The following TOP1 variants were observed in gnomAD, a reference collection of about 807,000 sequenced individuals.
TOP1 encodes DNA topoisomerase I, also known as DNA topoisomerase 1.
TOP1 carries 10 observed loss-of-function variants against 111.1 expected under a neutral mutation model. The observed-to-expected ratio is 0.09, with a 90% CI of 0.06 to 0.15. The LOEUF is 0.15. Among genes scored for constraint, TOP1 ranks in the 10% least tolerant of loss-of-function variants. TOP1 has a pLI of 1.00. For missense variants in TOP1, 474 were observed against 926.7 expected (o/e 0.51, Z 6.34); for synonymous variants, 271 against 302.9 (o/e 0.89, Z 1.10).
chr20:41,100,125 A>C lies in TOP1; in HGVS notation c.1045A>C (p.Arg349=), dbSNP rs758710779. The change falls in exon 12 of 21, where the codon AGG becomes CGG. Residue 349 remains arginine (R), a synonymous_variant. Coordinates refer to ENST00000361337, the MANE Select transcript of TOP1 (RefSeq NM_003286.4). This position sits in a 1 kb window ranked among gnomAD's most constrained non-coding sequence, Gnocchi z 4.4. The stretch of plus-strand genomic sequence containing the variant: ...CTGTATTATGGATAACCACAAAGAG[A>C]GGATTGCTAACTTCAAGATAGAGCC... ...GFCIMDNHKE[R]IANFKIEPPG... 3 of 1,613,878 alleles carry C rather than the reference A, an allele frequency of 1.9e-6. No individual in the cohort carries two copies. The highest frequency in any genetic ancestry group is 1.1e-5 in the South Asian group (1 of 91,076).
intron 13 of TOP1, among the ~76,000 whole-genome samples, chr20:41,104,391 A>G (rs1199831594): frequency 6.6e-6 from 1 of 152,210 alleles, no homozygotes; most frequent in Non-Finnish European, 1.5e-5. Flanking sequence ...ACTTAAGACA[A>G]ATGATGGCAA....
intron 8 of TOP1, among the ~76,000 whole-genome samples, chr20:41,090,605 C>T (rs1486520617): frequency 2.0e-5 from 3 of 152,092 alleles, no homozygotes; most frequent in African/African-American, 4.8e-5. Flanking sequence ...CAGGTTCAAA[C>T]GATTCTTGTG....
intron 2 of TOP1, among the ~76,000 whole-genome samples, chr20:41,047,931 A>G (rs1262506938): frequency 6.6e-6 from 1 of 152,170 alleles, no homozygotes. Context: ...TCTATTTTAA[A>G]GAGCTTGACT....
At position 41,029,449 on chromosome 20, in the gene TOP1, T is replaced by C. The variant is rs1202822680; in HGVS notation, c.52T>C (p.Leu18=). ...TTTCCAGATCGAAGCGGATTTCCGA[T>C]TGAATGGTGAGTGTGCCCCCTGCGC... ...NDSQIEADFR[L]NDSHKHKDKH... is the part of the protein sequence containing the mutation. Residue 18 remains leucine (L), a synonymous_variant, in exon 2 of 21, where the codon TTG becomes CTG. Coordinates refer to ENST00000361337, the MANE Select transcript of TOP1 (RefSeq NM_003286.4). The surrounding 1 kb of genome is among the most constrained non-coding windows in gnomAD (Gnocchi z 6.1). 1.3e-6 allele frequency: 2 copies of C among 1,506,842 alleles called. No individual in the cohort carries two copies. The highest frequency in any genetic ancestry group is 1.8e-6 in the Non-Finnish European group (2 of 1,127,130). 93.3% of individuals were successfully genotyped at this position (1,506,842 alleles called of 1,614,324 possible).
In TOP1 at chr20:41,112,837, A is replaced by G; in HGVS notation, c.1364A>G (p.Asp455Gly). The stretch of plus-strand genomic sequence containing the variant: ...GCTCGGCGGCTGAAAAAATGTGTGG[A>G]CAAGATCCGGAACCAGTATCGAGAA... ...ETARRLKKCV[D>G]KIRNQYREDW... The change falls in exon 14 of 21, where the codon GAC becomes GGC. Residue 455 changes from aspartate to glycine, a missense_variant. Coordinates refer to ENST00000361337, the MANE Select transcript of TOP1 (RefSeq NM_003286.4). The surrounding 1 kb of genome is among the most constrained non-coding windows in gnomAD (Gnocchi z 5.8). 1 of 1,614,258 alleles carries G rather than the reference A, an allele frequency of 6.2e-7. No individual in the cohort carries two copies. Among genetic ancestry groups the G allele is most frequent in the Non-Finnish European group, 8.5e-7 (1 of 1,180,048 alleles).
chr20:41,073,130 G>A (rs914427072), intron 3 of TOP1: 1 of 985,188 alleles, frequency 1.0e-6, no homozygotes, highest in African/African-American at 1.7e-5. Context: ...CCTGATCTCT[G>A]TTTGGTGTGA....
chr20:41,121,038 G>A lies in TOP1; in HGVS notation c.1951-658G>A, dbSNP rs770198851. Among the ~76,000 whole-genome samples, 14 of 152,208 alleles carry A rather than the reference G, an allele frequency of 9.2e-5. No homozygotes were observed. Among genetic ancestry groups the A allele is most frequent in the African/African-American group, 3.4e-4 (14 of 41,458 alleles). On this transcript the variant is annotated intron_variant, in intron 18 of 20. Coordinates refer to ENST00000361337, the MANE Select transcript of TOP1 (RefSeq NM_003286.4). This position sits in a 1 kb window ranked among gnomAD's most constrained non-coding sequence, Gnocchi z 4.2. Reference sequence around the variant, plus strand: ...ATTACAGGCGTGAGACACCGCGCCTGGTGACCGCTCTCCTTTTAAAAACAG... The same window carrying A: ...ATTACAGGCGTGAGACACCGCGCCTAGTGACCGCTCTCCTTTTAAAAACAG...
chr20:41,079,563 G>A lies in TOP1; in HGVS notation c.336-522G>A, dbSNP rs1053004511. ...ACACGTGCCCTACTTTTGTTGTAAT[G>A]TTGTCAGCTTGGTTATTTTTCCATG... On this transcript the variant is annotated intron_variant, in intron 5 of 20. Coordinates refer to ENST00000361337, the MANE Select transcript of TOP1 (RefSeq NM_003286.4). This position sits in a 1 kb window ranked among gnomAD's most constrained non-coding sequence, Gnocchi z 4.0. Among the ~76,000 whole-genome samples, 1 of 152,198 alleles carries A rather than the reference G, an allele frequency of 6.6e-6. No individual in the cohort carries two copies. The highest frequency in any genetic ancestry group is 6.5e-5 in the Admixed American group (1 of 15,284).
chr20:41,043,595 C>T (rs897522498), intron 2 of TOP1, among the ~76,000 whole-genome samples: 1 of 152,140 alleles, frequency 6.6e-6, no homozygotes, highest in Non-Finnish European at 1.5e-5. Flanking sequence ...AAAGAAGGTC[C>T]CTTGGTTGAA....
Position 41,044,059 on chromosome 20 carries a change from C to T in TOP1, c.58+14604C>T, listed in dbSNP as rs141671545. Among the ~76,000 whole-genome samples the T allele has an allele frequency of 5.9e-3, 899 of 152,134 alleles. 7 individuals carry two copies. Among genetic ancestry groups the T allele is most frequent in the African/African-American group, 0.02 (839 of 41,504 alleles). ...TGGGAGGCCGAGGCAGGCGGATCAC[C>T]TGAGGTCGGGAGTTTGAGACCAGCC... is the stretch of plus-strand genomic sequence containing the variant. On this transcript the variant is annotated intron_variant, in intron 2 of 20. Coordinates refer to ENST00000361337, the MANE Select transcript of TOP1 (RefSeq NM_003286.4).
At position 41,029,298 on chromosome 20, in the gene TOP1, T is replaced by C; in HGVS notation, c.34-133T>C. On this transcript the variant is annotated intron_variant, in intron 1 of 20. Transcript: ENST00000361337. The surrounding 1 kb of genome is among the most constrained non-coding windows in gnomAD (Gnocchi z 6.1). ...AGTTACAGTTCGAGGCAGGGATGGC[T>C]GCCCTCTGTGGCCACCCCCGGGTCC... 2.3e-6 allele frequency: 2 copies of C among 851,378 alleles called. No homozygotes were observed. Among genetic ancestry groups the C allele is most frequent in the Non-Finnish European group, 3.4e-6 (2 of 585,696 alleles). 52.7% of individuals were successfully genotyped at this position (851,378 alleles called of 1,614,324 possible).
intron 2 of TOP1, among the ~76,000 whole-genome samples, chr20:41,050,269 T>G (rs2033388311): frequency 6.6e-6 from 1 of 152,186 alleles, no homozygotes; most frequent in Admixed American, 6.5e-5. Flanking sequence ...CCACCTGCCT[T>G]GGCCTCCCAA....
At chr20:41,063,299 C>T (rs953821753) in intron 3 of TOP1, among the ~76,000 whole-genome samples, 2 of 152,148 alleles carry the variant, frequency 1.3e-5, no homozygotes, top group East Asian at 1.9e-4. Context: ...TATAGTATTC[C>T]GTGGTAGATA....
At chr20:41,060,470 C>T (rs1316665209) in intron 2 of TOP1, among the ~76,000 whole-genome samples, 2 of 152,148 alleles carry the variant, frequency 1.3e-5, no homozygotes, top group Non-Finnish European at 2.9e-5. Context: ...ATATACAGCA[C>T]GATCAGATCA....
Position 41,028,832 on chromosome 20 carries a change from C to T in TOP1, c.-236C>T, listed in dbSNP as rs1448660137. On this transcript the variant is annotated 5_prime_UTR_variant, in exon 1 of 21. Coordinates refer to ENST00000361337, the MANE Select transcript of TOP1 (RefSeq NM_003286.4). ...CAGGCGCAGTGAGCCCAAATGCGAA[C>T]TTAGGCTGTTACACAACTGCTGGGG... 5.7e-6 allele frequency: 3 copies of T among 524,180 alleles called. No individual in the cohort carries two copies. Among genetic ancestry groups the T allele is most frequent in the African/African-American group, 2.0e-5 (1 of 49,206 alleles). 32.5% of individuals were successfully genotyped at this position (524,180 alleles called of 1,614,324 possible). A position where few individuals can be genotyped will look rare whatever the true frequency, so the allele number is the denominator to read the frequency against.
At chr20:41,090,010 G>C (rs1244169092) in intron 8 of TOP1, among the ~76,000 whole-genome samples, 1 of 151,814 alleles carries the variant, frequency 6.6e-6, no homozygotes, top group Non-Finnish European at 1.5e-5. Context: ...GTCTTGCTCT[G>C]TCGCCCAGGC....
chr20:41,049,710 C>G (rs2033379225), intron 2 of TOP1, among the ~76,000 whole-genome samples: 1 of 152,160 alleles, frequency 6.6e-6, no homozygotes, highest in Non-Finnish European at 1.5e-5. Flanking sequence ...AGTTTTGGGG[C>G]TGAGTTGTAT....
intron 2 of TOP1, among the ~76,000 whole-genome samples, chr20:41,035,852 A>C (rs1301192013): frequency 3.9e-5 from 6 of 152,216 alleles, no homozygotes; most frequent in Non-Finnish European, 1.5e-5. Context: ...CTGATTGTGC[A>C]GGAGACTAAT....
intron 2 of TOP1, among the ~76,000 whole-genome samples, chr20:41,038,601 GC>G (rs2033219099): frequency 6.6e-6 from 1 of 152,174 alleles, no homozygotes; most frequent in African/African-American, 2.4e-5. Flanking sequence ...GTACTGACTT[GC>G]TTTGACTTTG....
Sources: gnomAD v4.1 joint callset for allele counts (sites outside exome capture counted in the v4.1 genomes callset) on GRCh38, gnomAD v4.1.1 for gene constraint, Gnocchi (gnomAD v3.1) non-coding constraint, MANE v1.5 for transcripts, NCBI Gene and HGNC (gene_info 2026-07-23, HGNC 2026-07-21) for gene names.